Variants in ASTN2 observed in about 807,000 individuals in gnomAD.
ASTN2 encodes the protein astrotactin 2.
In ASTN2, 54 loss-of-function variants were observed where a neutral mutation model predicts 139.8. The ratio of observed to expected loss-of-function variants is 0.39; its 90% CI spans 0.31 to 0.48. ASTN2 has a LOEUF of 0.48. Ranked by LOEUF, ASTN2 falls within the 20% of genes least tolerant of loss-of-function variation. The pLI, the probability that ASTN2 is intolerant of heterozygous loss-of-function variation, is 0.95. For missense variants in ASTN2, 1,565 were observed against 1,725.1 expected, an observed-to-expected ratio of 0.91 and a Z score of 1.64; for synonymous variants, 756 against 719.5, an observed-to-expected ratio of 1.05 and a Z score of -0.81.
intron 19 of ASTN2, among the ~76,000 whole-genome samples, chr9:116,534,941 G>A (rs1587955773): frequency 6.6e-6 from 1 of 152,184 alleles, no homozygotes; most frequent in African/African-American, 2.4e-5. Context: ...TCATTGATCT[G>A]TCTAATGTTG....
intron 1 of ASTN2, among the ~76,000 whole-genome samples, chr9:117,326,318 G>C (rs769362570): frequency 1.3e-5 from 2 of 152,116 alleles, no homozygotes; most frequent in Non-Finnish European, 2.9e-5. Context: ...GAGAAAAAGA[G>C]GGTTTTGCCC....
chr9:116,994,192 C>T (rs955768824), intron 7 of ASTN2, among the ~76,000 whole-genome samples: 1 of 151,988 alleles, frequency 6.6e-6, no homozygotes, highest in Non-Finnish European at 1.5e-5. Context: ...GGTTTACAAG[C>T]CATAGGGTTG....
chr9:116,806,772 T>C (rs181479144), intron 12 of ASTN2, among the ~76,000 whole-genome samples: 27 of 152,220 alleles, frequency 1.8e-4, no homozygotes, highest in Admixed American at 5.2e-4. Flanking sequence ...TGCTATAAGG[T>C]CACATGATAC....
intron 19 of ASTN2, chr9:116,586,092 T>C (rs1203192048): frequency 6.6e-6 from 1 of 152,174 alleles, no homozygotes; most frequent in African/African-American, 2.4e-5. Context: ...AAAACCACAA[T>C]TGCGTGCTAT....
chr9:116,647,857 G>C (rs1857680441), intron 17 of ASTN2, among the ~76,000 whole-genome samples: 1 of 152,176 alleles, frequency 6.6e-6, no homozygotes, highest in South Asian at 2.1e-4. Context: ...CTGTTACCCA[G>C]GTTGAAGTGC....
chr9:116,694,281 A>G (rs1027464326), intron 16 of ASTN2, among the ~76,000 whole-genome samples: 1 of 152,134 alleles, frequency 6.6e-6, no homozygotes, highest in African/African-American at 2.4e-5. Context: ...CTTGTTTAAT[A>G]AACTGATCTG....
intron 5 of ASTN2, among the ~76,000 whole-genome samples, chr9:117,074,663 A>G (rs10983509): frequency 0.17 from 25,452 of 152,118 alleles, 2,687 homozygotes; most frequent in African/African-American, 0.3. Context: ...AGCTACAGGG[A>G]CCACAGTAGC....
chr9:116,751,299 C>T (rs1292253990), intron 13 of ASTN2, among the ~76,000 whole-genome samples: 1 of 152,128 alleles, frequency 6.6e-6, no homozygotes, highest in Non-Finnish European at 1.5e-5. Flanking sequence ...ATATATTTGC[C>T]TGTGTGGTAG....
intron 1 of ASTN2, among the ~76,000 whole-genome samples, chr9:117,312,300 C>T (rs748303433): frequency 5.9e-5 from 9 of 152,060 alleles, no homozygotes; most frequent in Admixed American, 3.3e-4. Context: ...AAAATAAAAA[C>T]GTTACATCCT....
rs141965401 is a variant in ASTN2 at position 116,699,200 on chromosome 9, C to T, written c.2806+26571G>A. On this transcript the variant is annotated intron_variant, in intron 16 of 22. Transcript: ENST00000313400. The surrounding 1 kb of genome is among the most constrained non-coding windows in gnomAD (Gnocchi z 4.2). ...TGCCATCTGGCCAGTTTGTAGTAAC[C>T]GATGTGGAAGGTGGAAAGCTTTGGT... 1.3e-4 allele frequency: 217 copies of T among 1,614,066 alleles called. No individual in the cohort carries two copies. The highest frequency in any genetic ancestry group is 1.7e-4 in the Non-Finnish European group (198 of 1,180,048).
chr9:116,959,928 C>A (rs1256733798), intron 10 of ASTN2, among the ~76,000 whole-genome samples: 1 of 152,158 alleles, frequency 6.6e-6, no homozygotes, highest in Non-Finnish European at 1.5e-5. Context: ...CCCTGTCAGT[C>A]GCGAGCAGAG....
chr9:116,725,350 G>A (rs1828589799), intron 16 of ASTN2, among the ~76,000 whole-genome samples: 1 of 151,938 alleles, frequency 6.6e-6, no homozygotes, highest in Non-Finnish European at 1.5e-5. Flanking sequence ...AAGGAATTGA[G>A]TTCTTCTTGG....
chr9:117,144,974 C>T (rs552934681), intron 3 of ASTN2, among the ~76,000 whole-genome samples: 6 of 152,042 alleles, frequency 3.9e-5, no homozygotes, highest in East Asian at 1.9e-4. Context: ...TGACCCACTA[C>T]GCCTGGCTCT....
chr9:116,829,762 T>G (rs1013170363), intron 11 of ASTN2, among the ~76,000 whole-genome samples: 6 of 152,286 alleles, frequency 3.9e-5, no homozygotes, highest in African/African-American at 1.2e-4. Flanking sequence ...AACATGAAAT[T>G]TGGGTGGGAA....
intron 7 of ASTN2, among the ~76,000 whole-genome samples, chr9:116,988,586 G>A (rs1836749431): frequency 6.6e-6 from 1 of 152,176 alleles, no homozygotes; most frequent in Non-Finnish European, 1.5e-5. Context: ...AAGCCGCAAA[G>A]TGTTAAATGA....
At chr9:117,129,153 A>G (rs1441854403) in intron 4 of ASTN2, among the ~76,000 whole-genome samples, 2 of 152,190 alleles carry the variant, frequency 1.3e-5, no homozygotes, top group Non-Finnish European at 2.9e-5. Flanking sequence ...GGTAATTTCA[A>G]TTTGAAGCAG....
At chr9:117,405,149 A>G (rs370084565) in intron 1 of ASTN2, among the ~76,000 whole-genome samples, 2 of 152,226 alleles carry the variant, frequency 1.3e-5, no homozygotes, top group East Asian at 3.9e-4. Flanking sequence ...GTTCCTATAT[A>G]AGAAACGCCT....
intron 11 of ASTN2, among the ~76,000 whole-genome samples, chr9:116,845,467 G>T (rs142411218): frequency 6.6e-6 from 1 of 152,306 alleles, no homozygotes; most frequent in East Asian, 1.9e-4. Flanking sequence ...CAATGGTAGA[G>T]ATCAGGTAAA....
chr9:117,268,892 A>C (rs2133121148), intron 2 of ASTN2, among the ~76,000 whole-genome samples: 1 of 152,344 alleles, frequency 6.6e-6, no homozygotes, highest in Admixed American at 6.5e-5. Context: ...AACTTGACAC[A>C]TGCTGAGCGG....
Sources: allele counts gnomAD v4.1 joint callset (sites outside exome capture counted in the v4.1 genomes callset), GRCh38; gene constraint gnomAD v4.1.1; non-coding constraint Gnocchi (gnomAD v3.1); transcripts MANE v1.5; gene names NCBI Gene and HGNC (gene_info 2026-07-23, HGNC 2026-07-21).